The following ZBTB16 variants were observed in gnomAD, a reference collection of about 807,000 sequenced individuals.
The protein encoded by ZBTB16 is zinc finger and BTB domain containing 16, also known as zinc finger and BTB domain-containing protein 16.
A neutral mutation model predicts 56.8 loss-of-function variants in ZBTB16; 8 were observed. The observed-to-expected ratio is 0.14, with a 90% CI of 0.08 to 0.25. The LOEUF (loss-of-function observed/expected upper bound fraction) is 0.25, where lower values mean the gene tolerates loss of function less well. ZBTB16 is among the 10% of genes least tolerant of loss of function. The pLI is 1.00. For synonymous variants in ZBTB16, 363 were observed against 368.5 expected (o/e 0.98, Z 0.17); for missense variants, 625 against 903.0 (o/e 0.69, Z 3.95).
At chr11:114,209,279 TG>T in intron 4 of ZBTB16, 2 of 632,502 alleles carry the variant, frequency 3.2e-6, no homozygotes, top group Non-Finnish European at 3.9e-6. Context: ...AAGGATTTGC[TG>T]GCCATTTCTT....
At chr11:114,067,512 T>C (rs1939161495) in intron 2 of ZBTB16, among the ~76,000 whole-genome samples, 1 of 152,138 alleles carries the variant, frequency 6.6e-6, no homozygotes, top group Non-Finnish European at 1.5e-5. Context: ...GTTCAAGTGA[T>C]TCTCCTGCCT....
Position 114,170,218 on chromosome 11 carries a change from T to C in ZBTB16, c.1366+13784T>C, listed in dbSNP as rs751202378. 5.7e-4 allele frequency among the ~76,000 whole-genome samples: 86 copies of C among 152,198 alleles called. 2 individuals carry two copies. Among genetic ancestry groups the C allele is most frequent in the Non-Finnish European group, 1.1e-3 (75 of 68,038 alleles). Reference sequence around the variant, plus strand: ...ATAGGATTTGATGGACTAAAAAATATGTTACGAGTACCTAGAACCCCACAA... The same window carrying C: ...ATAGGATTTGATGGACTAAAAAATACGTTACGAGTACCTAGAACCCCACAA... On this transcript the variant is annotated intron_variant, in intron 3 of 6. Transcript: ENST00000335953.
At chr11:114,125,489 C>T (rs940963908) in intron 2 of ZBTB16, among the ~76,000 whole-genome samples, 8 of 151,898 alleles carry the variant, frequency 5.3e-5, no homozygotes, top group African/African-American at 1.7e-4. Context: ...TCTAACTATC[C>T]GACAACAGGT....
intron 4 of ZBTB16, among the ~76,000 whole-genome samples, chr11:114,213,258 G>A (rs1944031541): frequency 1.3e-5 from 2 of 152,140 alleles, no homozygotes; most frequent in Non-Finnish European, 2.9e-5. Context: ...TGGACACTGG[G>A]CAGAGAAATC....
chr11:114,144,711 C>A (rs867452880), intron 2 of ZBTB16, among the ~76,000 whole-genome samples: 1 of 152,150 alleles, frequency 6.6e-6, no homozygotes, highest in Non-Finnish European at 1.5e-5. Flanking sequence ...TTTGTTCATG[C>A]GTTTATGTTT....
At chr11:114,178,879 C>T (rs540874113) in intron 3 of ZBTB16, among the ~76,000 whole-genome samples, 3 of 152,340 alleles carry the variant, frequency 2.0e-5, no homozygotes, top group Admixed American at 6.5e-5. Context: ...CAGTCATTTG[C>T]CAGGTCACTG....
chr11:114,253,127 AG>A lies in ZBTB16; in HGVS notation c.*2576del, dbSNP rs1418323839. The stretch of plus-strand genomic sequence containing the variant: ...AAGAAGCGGGGACTGGCTGGCCCTC[AG>A]GGGATCTGTAAATCCCAGAAAACAG... On this transcript the variant is annotated 3_prime_UTR_variant, in exon 7 of 7. Coordinates refer to ENST00000335953, the MANE Select transcript of ZBTB16 (RefSeq NM_006006.6). Among the ~76,000 whole-genome samples, 7 of 152,176 alleles carry A rather than the reference AG, an allele frequency of 4.6e-5. No homozygotes were observed. Among genetic ancestry groups the A allele is most frequent in the African/African-American group, 1.7e-4 (7 of 41,428 alleles).
intron 2 of ZBTB16, among the ~76,000 whole-genome samples, chr11:114,153,735 G>T (rs1942332272): frequency 6.6e-6 from 1 of 152,204 alleles, no homozygotes; most frequent in African/African-American, 2.4e-5. Flanking sequence ...GAGAATAATA[G>T]TGCCCCTTAG....
chr11:114,073,762 A>G (rs996747549), intron 2 of ZBTB16, among the ~76,000 whole-genome samples: 2 of 152,288 alleles, frequency 1.3e-5, no homozygotes, highest in African/African-American at 4.8e-5. Context: ...AGACATTTTG[A>G]TGAAGGGGGG....
chr11:114,062,212 T>G (rs146461308), intron 1 of ZBTB16, among the ~76,000 whole-genome samples: 6,373 of 151,990 alleles, frequency 0.042, 430 homozygotes, highest in African/African-American at 0.15. Flanking sequence ...CAAGTGATTC[T>G]CCTGCCTCAG....
At chr11:114,100,843 TC>T (rs1353027725) in intron 2 of ZBTB16, among the ~76,000 whole-genome samples, 1 of 152,122 alleles carries the variant, frequency 6.6e-6, no homozygotes, top group Non-Finnish European at 1.5e-5. Flanking sequence ...AGATCAGCGA[TC>T]TACAGCTTTC....
chr11:114,198,821 C>A (rs1943664944), intron 4 of ZBTB16, among the ~76,000 whole-genome samples: 1 of 152,200 alleles, frequency 6.6e-6, no homozygotes, highest in Non-Finnish European at 1.5e-5. Context: ...TGGATTTGGA[C>A]AGACATGTAA....
intron 2 of ZBTB16, among the ~76,000 whole-genome samples, chr11:114,095,245 C>CTTTT (rs745895999): frequency 2.0e-3 from 185 of 90,474 alleles, no homozygotes; most frequent in African/African-American, 7.9e-3. Context: ...CTTTTCTTTT[C>CTTTT]TTTTTTTTTT....
intron 4 of ZBTB16, among the ~76,000 whole-genome samples, chr11:114,234,019 C>T (rs1443317836): frequency 6.6e-6 from 1 of 152,198 alleles, no homozygotes. Context: ...TAAAACAAAT[C>T]TGAATCAGCT....
At position 114,064,414 on chromosome 11, in the gene ZBTB16, G is replaced by C. The variant is rs755393648; in HGVS notation, c.1114G>C (p.Gly372Arg). The part of the protein sequence containing the change: ...LAVSMDFSTY[G>R]GLLPQGFIQR... ...TGTCTCCATGGACTTCAGCACCTAT[G>C]GGGGGCTGCTGCCCCAGGGCTTCAT... is the stretch of plus-strand genomic sequence containing the variant. The change falls in exon 2 of 7, where the codon GGG becomes CGG. Residue 372 changes from glycine to arginine, a missense_variant. Physicochemically the swap from Gly to Arg is moderately radical, Grantham distance 125 (BLOSUM62 -2). Coordinates refer to ENST00000335953, the MANE Select transcript of ZBTB16 (RefSeq NM_006006.6). This position sits in a 1 kb window ranked among gnomAD's most constrained non-coding sequence, Gnocchi z 4.2. 1.2e-5 allele frequency: 19 copies of C among 1,614,074 alleles called. No individual in the cohort carries two copies. Among genetic ancestry groups the C allele is most frequent in the Admixed American group, 3.3e-5 (2 of 60,032 alleles).
chr11:114,094,317 A>G (rs557378528), intron 2 of ZBTB16, among the ~76,000 whole-genome samples: 16 of 152,360 alleles, frequency 1.1e-4, no homozygotes, highest in Admixed American at 9.1e-4. Flanking sequence ...TCCGTCTCAA[A>G]AAAATAAAAA....
At chr11:114,082,643 A>G (rs2137701041) in intron 2 of ZBTB16, among the ~76,000 whole-genome samples, 1 of 152,158 alleles carries the variant, frequency 6.6e-6, no homozygotes, top group South Asian at 2.1e-4. Flanking sequence ...CGTGATCATC[A>G]GCTCCTAAGG....
chr11:114,182,136 C>T (rs648565), intron 3 of ZBTB16, among the ~76,000 whole-genome samples: 27,486 of 152,174 alleles, frequency 0.18, 2,885 homozygotes, highest in African/African-American at 0.3. Flanking sequence ...ACTGCAACCT[C>T]TGCCTTCCGG....
At chr11:114,240,740 C>T (rs1008386994) in intron 4 of ZBTB16, among the ~76,000 whole-genome samples, 1 of 152,154 alleles carries the variant, frequency 6.6e-6, no homozygotes, top group African/African-American at 2.4e-5. Flanking sequence ...AGAGCAGTGT[C>T]AGAAAGGGAT....
Sources: gnomAD v4.1 joint callset for allele counts (sites outside exome capture counted in the v4.1 genomes callset) on GRCh38, gnomAD v4.1.1 for gene constraint, Gnocchi (gnomAD v3.1) non-coding constraint, MANE v1.5 for transcripts, NCBI Gene and HGNC (gene_info 2026-07-23, HGNC 2026-07-21) for gene names.